Variants in PRIM2 observed in about 807,000 individuals in gnomAD.
PRIM2 encodes the protein DNA primase subunit 2.
Under a neutral mutation model 67.3 loss-of-function variants are expected in PRIM2, and 39 were observed. That is an observed-to-expected ratio of 0.58 (90% CI 0.45 to 0.76). PRIM2 has a LOEUF of 0.76. Among genes scored for constraint, PRIM2 ranks in the 30% least tolerant of loss-of-function variants. The pLI is 0.00. For missense variants in PRIM2, 398 were observed against 598.7 expected (o/e 0.66, Z 3.50); for synonymous variants, 143 against 198.7 (o/e 0.72, Z 2.36).
intron 7 of PRIM2, among the ~76,000 whole-genome samples, chr6:57,395,769 C>T (rs1215721002): frequency 6.6e-6 from 1 of 151,980 alleles, no homozygotes; most frequent in Non-Finnish European, 1.5e-5. Context: ...TCAATTTGTG[C>T]TCTTACAGTC....
chr6:57,370,157 CTCTA>C (rs1301589738), intron 5 of PRIM2, among the ~76,000 whole-genome samples: 95 of 152,274 alleles, frequency 6.2e-4, no homozygotes, highest in Admixed American at 2.4e-3. Context: ...AATTGTTCCA[CTCTA>C]TCTGTTTTTA....
intron 10 of PRIM2, among the ~76,000 whole-genome samples, chr6:57,538,325 T>C (rs1273829055): frequency 1.3e-5 from 2 of 152,166 alleles, no homozygotes; most frequent in Admixed American, 6.6e-5. Flanking sequence ...TCATCATACC[T>C]AGCCTATAGA....
intron 7 of PRIM2, chr6:57,505,453 A>C (rs1774230649): frequency 6.6e-6 from 1 of 152,202 alleles, no homozygotes; most frequent in Non-Finnish European, 1.5e-5. Context: ...GAATTGGCAG[A>C]AGCTGTATAG....
chr6:57,271,433 T>C, the PRIM2 span, among the ~76,000 whole-genome samples: 6 of 152,230 alleles, frequency 3.9e-5, no homozygotes, highest in Non-Finnish European at 8.8e-5. Flanking sequence ...TTTATAGTAT[T>C]CTCTGATGGT....
chr6:57,329,063 G>A (rs1489153208), intron 5 of PRIM2, among the ~76,000 whole-genome samples: 1 of 151,568 alleles, frequency 6.6e-6, no homozygotes, highest in East Asian at 1.9e-4. Context: ...TCAGATATAT[G>A]ATTTACAAAT....
intron 5 of PRIM2, among the ~76,000 whole-genome samples, chr6:57,351,669 G>C (rs1168505690): frequency 6.6e-6 from 1 of 152,042 alleles, no homozygotes; most frequent in Non-Finnish European, 1.5e-5. Flanking sequence ...ATGTTTTTGG[G>C]TTAGGATAGT....
At chr6:57,362,665 A>C (rs1021940826) in intron 5 of PRIM2, among the ~76,000 whole-genome samples, 15 of 151,890 alleles carry the variant, frequency 9.9e-5, no homozygotes, top group Admixed American at 9.2e-4. Context: ...AAAATGGGAA[A>C]GGGAAATTAC....
chr6:57,621,952 T>G lies in PRIM2; in HGVS notation c.1231-10181T>G, dbSNP rs1322847371. Among the ~76,000 whole-genome samples the G allele has an allele frequency of 4.6e-5, 7 of 152,272 alleles. No individual in the cohort carries two copies. The East Asian group carries it at 1.4e-3, about 29-fold the overall frequency. ...TGAATCTTGGTTGACAGTTTTTTTT[T>G]TCTTTCTTTCTTTTTTGAGATGGAG... On this transcript the variant is annotated intron_variant, in intron 12 of 13. Transcript: ENST00000615550.
the PRIM2 span, among the ~76,000 whole-genome samples, chr6:57,231,740 T>C: frequency 6.6e-6 from 1 of 152,158 alleles, no homozygotes; most frequent in Non-Finnish European, 1.5e-5. Context: ...AGAGAGCAAT[T>C]TGGCAAAATA....
intron 8 of PRIM2, among the ~76,000 whole-genome samples, chr6:57,522,237 A>G (rs1774639711): frequency 6.6e-6 from 1 of 152,230 alleles, no homozygotes; most frequent in Non-Finnish European, 1.5e-5. Flanking sequence ...GCCTAATTAC[A>G]GCCTGTATTT....
rs1456303597 is a variant in PRIM2, at chr6:57,645,997, G to A, written c.1369G>A (p.Gly457Ser). 57 of 1,607,164 alleles carry A rather than the reference G, an allele frequency of 3.5e-5. No individual in the cohort carries two copies. The highest frequency in any genetic ancestry group is 4.3e-5 in the Non-Finnish European group (50 of 1,173,892). The change falls in exon 14 of 14, where the codon GGT becomes AGT. Residue 457 changes from glycine (G) to serine (S), a missense_variant. By Grantham distance (56) the Gly-to-Ser change is moderately conservative. Around this residue, in one of 4 missense-constraint regions of PRIM2, gnomAD observed 72 missense variants for 89.4 expected, o/e 0.81. Coordinates refer to ENST00000615550, the MANE Select transcript of PRIM2 (RefSeq NM_000947.5). ...FFCESQRILN[G>S]GKDIKKEPIQ... ...TTGTGAGAGCCAACGTATTCTAAAT[G>A]GTGGTAAAGACATAAAGAAGGAACC...
rs1415919780 is a variant in PRIM2, at chr6:57,318,606, AC to A, written c.154+8del. The stretch of plus-strand genomic sequence containing the variant: ...GCTATTGATAGAGTTAAATGTAAGT[AC>A]TATTTAAATTAGAATGTATATATTC... On this transcript the variant is annotated splice_region_variant and intron_variant, in intron 2 of 13. Transcript: ENST00000615550. The A allele has an allele frequency of 2.0e-6, 3 of 1,536,364 alleles. No homozygotes were observed. The highest frequency in any genetic ancestry group is 2.7e-6 in the Non-Finnish European group (3 of 1,131,866).
intron 7 of PRIM2, among the ~76,000 whole-genome samples, chr6:57,455,899 T>C (rs1640079386): frequency 6.6e-6 from 1 of 152,234 alleles, no homozygotes; most frequent in African/African-American, 2.4e-5. Context: ...CTTTACAATT[T>C]GGCATGTTTT....
In PRIM2 at chr6:57,434,333, C is replaced by T. The variant is rs117289154; in HGVS notation, c.693+52165C>T. Reference sequence around the variant, plus strand: ...TACCTTGCATGGTTATACTGATAACCATGTTATCAGTATGGTTTGCTTTTA... The same window carrying T: ...TACCTTGCATGGTTATACTGATAACTATGTTATCAGTATGGTTTGCTTTTA... On this transcript the variant is annotated intron_variant, in intron 7 of 13. Transcript: ENST00000615550. 1.3e-3 allele frequency among the ~76,000 whole-genome samples: 191 copies of T among 151,946 alleles called. 5 individuals carry two copies. In the East Asian group the frequency reaches 0.016, roughly 13 times the overall value.
intron 10 of PRIM2, among the ~76,000 whole-genome samples, chr6:57,589,743 G>A (rs1332305478): frequency 1.3e-5 from 2 of 152,170 alleles, no homozygotes; most frequent in African/African-American, 4.8e-5. Context: ...GGCTTTGCCA[G>A]TGAGAAAGCA....
intron 7 of PRIM2, 144 bp from the exon 8 acceptor site, chr6:57,507,243 C>G: frequency 1.1e-6 from 1 of 888,502 alleles, no homozygotes; most frequent in Non-Finnish European, 1.6e-6. Flanking sequence ...TATATAATTT[C>G]TTGATTTGAA....
At chr6:57,629,762 T>C (rs1486067682) in intron 12 of PRIM2, among the ~76,000 whole-genome samples, 2 of 150,484 alleles carry the variant, frequency 1.3e-5, no homozygotes, top group Admixed American at 1.3e-4. Context: ...ACTTTAGTCC[T>C]GCACATAGAA....
the PRIM2 span, among the ~76,000 whole-genome samples, chr6:57,278,903 A>G: frequency 1.3e-5 from 2 of 152,232 alleles, no homozygotes; most frequent in African/African-American, 2.4e-5. Context: ...AATCTGTGGA[A>G]CAGTTTTTTC....
At chr6:57,430,447 G>GTTTTTTT (rs71687266) in intron 7 of PRIM2, among the ~76,000 whole-genome samples, 21 of 78,162 alleles carry the variant, frequency 2.7e-4, no homozygotes, top group East Asian at 4.7e-4. Flanking sequence ...TTCTTTCTTT[G>GTTTTTTT]TTTTTTTTTT....
Sources: gnomAD v4.1 joint callset for allele counts (sites outside exome capture counted in the v4.1 genomes callset) on GRCh38, gnomAD v4.1.1 for gene constraint, gnomAD v4.1.1 regional missense constraint, MANE v1.5 for transcripts, NCBI Gene and HGNC (gene_info 2026-07-23, HGNC 2026-07-21) for gene names.